The following PCDH9 variants were observed in gnomAD, a reference collection of about 807,000 sequenced individuals.
The protein encoded by PCDH9 is protocadherin-9.
A neutral mutation model predicts 70.6 loss-of-function variants in PCDH9; 24 were observed. That is an observed-to-expected ratio of 0.34 (90% confidence interval 0.25 to 0.48). The LOEUF is 0.48. PCDH9 is among the 20% of genes least tolerant of loss of function. The probability of loss-of-function intolerance (pLI) is 0.99; values close to 1 mark genes in which losing one functional copy is unlikely to be tolerated. For missense variants in PCDH9, 1,281 were observed against 1,503.6 expected, an observed-to-expected ratio of 0.85 and a Z score of 2.45; for synonymous variants, 562 against 558.5, an observed-to-expected ratio of 1.01 and a Z score of -0.09.
chr13:67,227,361 G>C lies in PCDH9; in HGVS notation c.1080C>G (p.Leu360=), dbSNP rs534184852. The C allele has an allele frequency of 6.2e-7, 1 of 1,614,004 alleles. No homozygotes were observed. Among genetic ancestry groups the C allele is most frequent in the South Asian group, 1.1e-5 (1 of 91,076 alleles). ...DVNDNPPNID[L]RYIISPINGT... ...CATTGATGGGACTTATAATGTACCT[G>C]AGGTCTATATTAGGAGGGTTATCAT... Residue 360 remains leucine (L), a synonymous_variant, in exon 2 of 5, where the codon CTC becomes CTG. Coordinates refer to ENST00000377865, the MANE Select transcript of PCDH9 (RefSeq NM_203487.3). This position sits in a 1 kb window ranked among gnomAD's most constrained non-coding sequence, Gnocchi z 4.6.
chr13:66,722,689 C>T (rs1362192565), intron 3 of PCDH9, among the ~76,000 whole-genome samples: 6 of 151,984 alleles, frequency 3.9e-5, no homozygotes, highest in Non-Finnish European at 8.8e-5. Context: ...ACCTATGTGC[C>T]GGGCGCGGTG....
intron 4 of PCDH9, among the ~76,000 whole-genome samples, chr13:66,373,230 A>C (rs1045257908): frequency 1.3e-5 from 2 of 152,008 alleles, no homozygotes; most frequent in Non-Finnish European, 2.9e-5. Flanking sequence ...AATAAGACAC[A>C]AAAAGACAAA....
intron 3 of PCDH9, among the ~76,000 whole-genome samples, chr13:66,867,707 A>G (rs2081601345): frequency 6.6e-6 from 1 of 152,118 alleles, no homozygotes; most frequent in Non-Finnish European, 1.5e-5. Context: ...ATTACCAAAA[A>G]GTAATCCTTT....
At chr13:66,358,817 T>C (rs899684431) in intron 4 of PCDH9, among the ~76,000 whole-genome samples, 3 of 151,990 alleles carry the variant, frequency 2.0e-5, no homozygotes, top group Non-Finnish European at 4.4e-5. Context: ...CCCAAGGTGA[T>C]TTATAGACAG....
intron 4 of PCDH9, among the ~76,000 whole-genome samples, chr13:66,575,557 C>A (rs1233241940): frequency 1.3e-5 from 2 of 152,168 alleles, no homozygotes; most frequent in African/African-American, 4.8e-5. Context: ...AGTGAGTACG[C>A]TCCAAACACA....
At chr13:66,730,881 TTTTTTGTTTGTTTC>T (rs1593966892) in intron 3 of PCDH9, among the ~76,000 whole-genome samples, 1 of 15,804 alleles carries the variant, frequency 6.3e-5, no homozygotes, top group East Asian at 7.2e-3. Flanking sequence ...TGTGTGTTTT[TTTTTTGTTTGTTTC>T]TTTTTTTTTG....
intron 2 of PCDH9, among the ~76,000 whole-genome samples, chr13:67,056,378 T>C (rs894412210): frequency 6.6e-6 from 1 of 152,206 alleles, no homozygotes; most frequent in African/African-American, 2.4e-5. Context: ...TCTGTGTTTA[T>C]TTAATTTCCT....
At chr13:66,342,233 A>G (rs1470245261) in intron 4 of PCDH9, among the ~76,000 whole-genome samples, 2 of 152,246 alleles carry the variant, frequency 1.3e-5, no homozygotes, top group African/African-American at 4.8e-5. Context: ...TCAATGTTAA[A>G]AGAAATAGCA....
chr13:66,737,295 A>G (rs2079166261), intron 3 of PCDH9, among the ~76,000 whole-genome samples: 1 of 152,130 alleles, frequency 6.6e-6, no homozygotes, highest in Admixed American at 6.5e-5. Flanking sequence ...TAAGGTTGAT[A>G]AATTTAGCCC....
chr13:66,611,219 T>C (rs992437520), intron 4 of PCDH9, among the ~76,000 whole-genome samples: 1 of 152,190 alleles, frequency 6.6e-6, no homozygotes, highest in Non-Finnish European at 1.5e-5. Flanking sequence ...TTTTTAATCA[T>C]ACATTTCATT....
chr13:66,460,919 A>C (rs1280502395), intron 4 of PCDH9, among the ~76,000 whole-genome samples: 1 of 151,956 alleles, frequency 6.6e-6, no homozygotes, highest in East Asian at 1.9e-4. Flanking sequence ...ATTTTAAAAA[A>C]TAATACTGAT....
chr13:67,214,702 A>G (rs2089549568), intron 2 of PCDH9: 2 of 151,904 alleles, frequency 1.3e-5, no homozygotes, highest in African/African-American at 4.8e-5. Flanking sequence ...TCAATTTTCC[A>G]AAAGTCCTAA....
intron 3 of PCDH9, among the ~76,000 whole-genome samples, chr13:66,683,287 T>C (rs1422105698): frequency 6.6e-6 from 1 of 152,192 alleles, no homozygotes. Flanking sequence ...TTACATGGTT[T>C]AACTGACAAG....
intron 3 of PCDH9, among the ~76,000 whole-genome samples, chr13:66,832,021 G>A (rs1202176447): frequency 6.6e-6 from 1 of 151,926 alleles, no homozygotes; most frequent in Non-Finnish European, 1.5e-5. Flanking sequence ...TGCCTGTATT[G>A]GGTACAGACC....
intron 4 of PCDH9, among the ~76,000 whole-genome samples, chr13:66,533,957 A>G (rs1960579628): frequency 1.3e-5 from 2 of 152,166 alleles, no homozygotes; most frequent in Admixed American, 6.6e-5. Flanking sequence ...AGAAAATAAC[A>G]CTATGAAAGG....
intron 4 of PCDH9, among the ~76,000 whole-genome samples, chr13:66,331,254 C>G (rs1002742663): frequency 6.6e-6 from 1 of 152,066 alleles, no homozygotes; most frequent in African/African-American, 2.4e-5. Context: ...TTCCATACAA[C>G]TGGGGAGACT....
intron 2 of PCDH9, among the ~76,000 whole-genome samples, chr13:67,141,665 T>A (rs528582525): frequency 9.5e-4 from 144 of 151,440 alleles, no homozygotes; most frequent in Admixed American, 7.5e-3. Context: ...GGTCTCAAAC[T>A]CCTGACCTTG....
At chr13:66,650,232 A>G (rs370417459) in intron 3 of PCDH9, among the ~76,000 whole-genome samples, 4 of 151,976 alleles carry the variant, frequency 2.6e-5, no homozygotes, top group African/African-American at 9.7e-5. Context: ...GTTGCCTGCA[A>G]TAAACACACG....
chr13:67,038,633 C>T (rs2085053309), intron 2 of PCDH9, among the ~76,000 whole-genome samples: 1 of 152,160 alleles, frequency 6.6e-6, no homozygotes, highest in African/African-American at 2.4e-5. Context: ...AAATCTAATA[C>T]TCAAAAACAC....
Sources: allele counts gnomAD v4.1 joint callset (sites outside exome capture counted in the v4.1 genomes callset), GRCh38; gene constraint gnomAD v4.1.1; non-coding constraint Gnocchi (gnomAD v3.1); transcripts MANE v1.5; gene names NCBI Gene and HGNC (gene_info 2026-07-23, HGNC 2026-07-21).